BRINP1: variants seen among roughly 807,000 people sequenced by gnomAD.
The protein encoded by BRINP1 is BMP/retinoic acid-inducible neural-specific protein 1.
In BRINP1, 17 loss-of-function variants were observed where a neutral mutation model predicts 72.9. That is an observed-to-expected ratio of 0.23 (90% confidence interval 0.16 to 0.35). The LOEUF (loss-of-function observed/expected upper bound fraction) is 0.35. Ranked by LOEUF, BRINP1 falls within the 10% of genes least tolerant of loss-of-function variation. The probability of loss-of-function intolerance (pLI) is 1.00; values close to 1 mark genes in which losing one functional copy is unlikely to be tolerated. For synonymous variants in BRINP1, 418 were observed against 378.5 expected (o/e 1.10, Z -1.21); for missense variants, 850 against 1,001.6 (o/e 0.85, Z 2.04).
intron 2 of BRINP1, among the ~76,000 whole-genome samples, chr9:119,307,189 AAG>A: frequency 6.6e-6 from 1 of 151,972 alleles, no homozygotes; most frequent in South Asian, 2.1e-4. Context: ...GTTGGACACC[AAG>A]AATCTCCCCA....
At chr9:119,227,455 T>G (rs1218267513) in intron 5 of BRINP1, among the ~76,000 whole-genome samples, 1 of 152,008 alleles carries the variant, frequency 6.6e-6, no homozygotes, top group Non-Finnish European at 1.5e-5. Flanking sequence ...GTTCATAAAG[T>G]AAAAGCAACA....
chr9:119,363,645 C>T (rs1297204203), intron 1 of BRINP1, among the ~76,000 whole-genome samples: 3 of 152,198 alleles, frequency 2.0e-5, no homozygotes, highest in Non-Finnish European at 4.4e-5. Context: ...GATTATTCAT[C>T]TCGCTCCTCT....
At chr9:119,315,658 T>C (rs900654787) in intron 1 of BRINP1, among the ~76,000 whole-genome samples, 1 of 152,238 alleles carries the variant, frequency 6.6e-6, no homozygotes, top group Non-Finnish European at 1.5e-5. Flanking sequence ...CAAGATAGGC[T>C]GGAAGCTAGG....
chr9:119,314,115 G>T (rs1444912084), intron 1 of BRINP1, among the ~76,000 whole-genome samples: 1 of 152,162 alleles, frequency 6.6e-6, no homozygotes. Flanking sequence ...AAAGAAACAT[G>T]GCCAGAGAAT....
intron 5 of BRINP1, among the ~76,000 whole-genome samples, chr9:119,217,910 C>T (rs765678849): frequency 8.6e-5 from 13 of 152,000 alleles, no homozygotes; most frequent in Admixed American, 6.6e-4. Flanking sequence ...TTTGCACTTG[C>T]GTTTCCCTGT....
chr9:119,354,459 C>T (rs542703200), intron 1 of BRINP1, among the ~76,000 whole-genome samples: 58 of 152,152 alleles, frequency 3.8e-4, no homozygotes, highest in Non-Finnish European at 7.3e-4. Context: ...CCTGCTCAAC[C>T]TCTCCCTGCT....
chr9:119,351,638 T>C (rs991988545), intron 1 of BRINP1, among the ~76,000 whole-genome samples: 7 of 152,122 alleles, frequency 4.6e-5, no homozygotes, highest in African/African-American at 1.7e-4. Context: ...CACATATCAC[T>C]TGTACCCTCT....
At chr9:119,232,138 CA>C (rs1228174250) in intron 5 of BRINP1, among the ~76,000 whole-genome samples, 3 of 152,160 alleles carry the variant, frequency 2.0e-5, no homozygotes, top group Non-Finnish European at 4.4e-5. Flanking sequence ...GTTGCTCAGG[CA>C]AAACTTTGGG....
intron 1 of BRINP1, among the ~76,000 whole-genome samples, chr9:119,329,471 CAT>C (rs1333794713): frequency 6.6e-6 from 1 of 152,174 alleles, no homozygotes; most frequent in Non-Finnish European, 1.5e-5. Flanking sequence ...GCAGGGGACA[CAT>C]GAGTGTTTAA....
intron 1 of BRINP1, among the ~76,000 whole-genome samples, chr9:119,329,996 GCTTTCAGTCTTATA>G (rs1352835699): frequency 6.6e-6 from 1 of 152,138 alleles, no homozygotes; most frequent in Non-Finnish European, 1.5e-5. Context: ...CCCGAGCTGG[GCTTTCAGTCTTATA>G]CTTTCTCATA....
chr9:119,251,968 C>G (rs56315528), intron 2 of BRINP1, among the ~76,000 whole-genome samples: 1,759 of 152,206 alleles, frequency 0.012, 26 homozygotes, highest in African/African-American at 0.04. Context: ...CTCTGGTTCT[C>G]TAAGTCCCTC....
intron 4 of BRINP1, among the ~76,000 whole-genome samples, chr9:119,241,080 C>T (rs1448544087): frequency 1.3e-5 from 2 of 152,200 alleles, no homozygotes; most frequent in Non-Finnish European, 2.9e-5. Context: ...TGTTAAAGTT[C>T]CTGTGCTCTA....
chr9:119,343,825 C>T (rs777863626), intron 1 of BRINP1, among the ~76,000 whole-genome samples: 17 of 152,124 alleles, frequency 1.1e-4, no homozygotes, highest in Non-Finnish European at 2.2e-4. Context: ...GATTTCATTG[C>T]GCCACTCAAC....
At chr9:119,283,962 T>A (rs1830736317) in intron 2 of BRINP1, among the ~76,000 whole-genome samples, 2 of 152,214 alleles carry the variant, frequency 1.3e-5, no homozygotes, top group South Asian at 4.1e-4. Flanking sequence ...CAGCAGCATC[T>A]GGTGAGTTTC....
intron 2 of BRINP1, among the ~76,000 whole-genome samples, chr9:119,280,650 C>T (rs75754064): frequency 0.025 from 3,739 of 152,190 alleles, 155 homozygotes; most frequent in African/African-American, 0.085. Flanking sequence ...TCAAGTTTGT[C>T]ACCTAATAAT....
chr9:119,360,100 T>C (rs1831613660), intron 1 of BRINP1, among the ~76,000 whole-genome samples: 1 of 152,224 alleles, frequency 6.6e-6, no homozygotes, highest in South Asian at 2.1e-4. Flanking sequence ...CCTATTGATA[T>C]ACATTCAGAA....
chr9:119,362,543 AC>A (rs1268940285), intron 1 of BRINP1, among the ~76,000 whole-genome samples: 3 of 152,048 alleles, frequency 2.0e-5, no homozygotes, highest in South Asian at 2.1e-4. Context: ...TCATCACCAT[AC>A]CCCCCAAGTC....
chr9:119,355,490 A>G (rs553118333), intron 1 of BRINP1, among the ~76,000 whole-genome samples: 20 of 152,114 alleles, frequency 1.3e-4, no homozygotes, highest in Non-Finnish European at 2.8e-4. Flanking sequence ...GCACTTTGGG[A>G]GGCCAAGGTG....
chr9:119,274,799 G>A (rs538384751), intron 2 of BRINP1, among the ~76,000 whole-genome samples: 119 of 152,224 alleles, frequency 7.8e-4, no homozygotes, highest in Non-Finnish European at 1.4e-3. Context: ...ATGGCTTCAA[G>A]TCACAGAGAG....
Sources: allele counts gnomAD v4.1 joint callset (sites outside exome capture counted in the v4.1 genomes callset), GRCh38; gene constraint gnomAD v4.1.1; transcripts MANE v1.5; gene names NCBI Gene and HGNC (gene_info 2026-07-23, HGNC 2026-07-21).